The following PUS7 variants were observed in gnomAD, a reference collection of about 807,000 sequenced individuals.
PUS7 encodes the protein pseudouridine synthase 7, also known as pseudouridylate synthase 7 homolog.
A neutral mutation model predicts 79.8 loss-of-function variants in PUS7; 48 were observed. That is an observed-to-expected ratio of 0.60 (90% CI 0.48 to 0.76). The LOEUF (loss-of-function observed/expected upper bound fraction) is 0.76. PUS7 is among the 30% of genes least tolerant of loss of function. The probability of loss-of-function intolerance (pLI) is 0.00; values close to 1 mark genes in which losing one functional copy is unlikely to be tolerated. For synonymous variants in PUS7, 286 were observed against 272.2 expected (o/e 1.05, Z -0.50); for missense variants, 729 against 797.6 (o/e 0.91, Z 1.04).
At chr7:105,511,559 C>T (rs1271008968) in intron 1 of PUS7, among the ~76,000 whole-genome samples, 4 of 150,464 alleles carry the variant, frequency 2.7e-5, no homozygotes, top group South Asian at 2.1e-4. Context: ...GTCAGAAGTT[C>T]GAGACCAGCC....
chr7:105,481,187 C>T lies in PUS7; in HGVS notation c.1050-10G>A, dbSNP rs768244276. The T allele has an allele frequency of 2.2e-5, 35 of 1,602,394 alleles. No homozygotes were observed. The highest frequency in any genetic ancestry group is 2.9e-5 in the Non-Finnish European group (34 of 1,175,588). Reference sequence around the variant, plus strand: ...AGTTCCTGTTATATTTCTACAGGGACACAAATTATCCAGAGGAAAAAAAGT... The same window carrying T: ...AGTTCCTGTTATATTTCTACAGGGATACAAATTATCCAGAGGAAAAAAAGT... On this transcript the variant is annotated splice_polypyrimidine_tract_variant and intron_variant, in intron 8 of 15. Transcript: ENST00000469408.
At position 105,465,978 on chromosome 7, in the gene PUS7, C is replaced by T. The variant is rs818456; in HGVS notation, c.1526-564G>A. Among the ~76,000 whole-genome samples, 94 of 151,962 alleles carry T rather than the reference C, an allele frequency of 6.2e-4. 2 individuals carry two copies. The East Asian group carries it at 0.017, about 27-fold the overall frequency. On this transcript the variant is annotated intron_variant, in intron 12 of 15. Coordinates refer to ENST00000469408, the MANE Select transcript of PUS7 (RefSeq NM_019042.5). ...TTCCAGAGCAGCCTAGACAACATGG[C>T]GAAACCCCATCTCTACAAAAAATAT...
chr7:105,470,718 T>C lies in PUS7; in HGVS notation c.1368A>G (p.Gly456=). The C allele has an allele frequency of 6.2e-7, 1 of 1,608,840 alleles. No individual in the cohort carries two copies. The highest frequency in any genetic ancestry group is 8.5e-7 in the Non-Finnish European group (1 of 1,176,126). Residue 456 remains glycine (G), a synonymous_variant, in exon 11 of 16, where the codon GGA becomes GGG. Coordinates refer to ENST00000469408, the MANE Select transcript of PUS7 (RefSeq NM_019042.5). The part of the protein sequence containing the change: ...GQLLRGLSKY[G]MKNIVSAFGI... ...CAAATGCAGAGACTATATTCTTCAT[T>C]CCATATTTTGAAAGTCCTCGAAGCA...
At chr7:105,486,056 T>A (rs572811804) in intron 7 of PUS7, among the ~76,000 whole-genome samples, 1 of 151,424 alleles carries the variant, frequency 6.6e-6, no homozygotes, top group South Asian at 2.1e-4. Context: ...TTTGTTTTGT[T>A]TTGTTTTTGA....
At chr7:105,489,235 C>T in intron 7 of PUS7, among the ~76,000 whole-genome samples, 1 of 145,324 alleles carries the variant, frequency 6.9e-6, no homozygotes. Flanking sequence ...ACAAAATTCA[C>T]AGAGCCAGCT....
chr7:105,520,789 G>A (rs569484910), intron 1 of PUS7, among the ~76,000 whole-genome samples: 1 of 152,142 alleles, frequency 6.6e-6, no homozygotes, highest in East Asian at 1.9e-4. Flanking sequence ...TGTAATTCCA[G>A]CACTTTGGGA....
chr7:105,457,877 A>G lies in PUS7; in HGVS notation c.1899T>C (p.Thr633=). The G allele has an allele frequency of 6.2e-7, 1 of 1,614,118 alleles. No homozygotes were observed. The highest frequency in any genetic ancestry group is 8.5e-7 in the Non-Finnish European group (1 of 1,179,966). Residue 633 remains threonine (T), a synonymous_variant, in exon 16 of 16, where the codon ACT becomes ACC. Transcript: ENST00000469408. ...CTTCTCGAATGGCCATGGTGGCGTAAGTAGAAGGGGGTAGAGAAAAATCCA... is the reference window on the plus strand; with the variant it reads ...CTTCTCGAATGGCCATGGTGGCGTAGGTAGAAGGGGGTAGAGAAAAATCCA... ...LKMDFSLPPS[T]YATMAIREVL...
chr7:105,506,159 A>ATTTTAAAAAATCTTC, intron 3 of PUS7, 30 bp downstream of exon 3: 1 of 1,583,482 alleles, frequency 6.3e-7, no homozygotes, highest in Non-Finnish European at 8.6e-7. Flanking sequence ...TTTATACAGA[A>ATTTTAAAAAATCTTC]GGTGACATTT....
intron 2 of PUS7, 59 bp downstream of exon 2, chr7:105,508,056 T>C: frequency 4.0e-6 from 6 of 1,503,286 alleles, no homozygotes; most frequent in Non-Finnish European, 5.3e-6. Flanking sequence ...AAAGCTAATT[T>C]CTTTCTAAAG....
chr7:105,493,529 C>T (rs1824882475), intron 6 of PUS7, among the ~76,000 whole-genome samples: 1 of 152,190 alleles, frequency 6.6e-6, no homozygotes, highest in Non-Finnish European at 1.5e-5. Context: ...ATGGGCTGAA[C>T]TGTGTCTCCC....
At chr7:105,467,579 C>T (rs1012180926) in intron 12 of PUS7, among the ~76,000 whole-genome samples, 1 of 151,670 alleles carries the variant, frequency 6.6e-6, no homozygotes, top group Non-Finnish European at 1.5e-5. Flanking sequence ...TGAGCCACTG[C>T]GCCCAGTGAC....
chr7:105,465,038 C>T lies in PUS7; in HGVS notation c.1627+275G>A, dbSNP rs148234856. On this transcript the variant is annotated intron_variant, in intron 13 of 15. Transcript: ENST00000469408. ...TTTGCCAGGTTGCCCAGGCTGGTCT[C>T]GAATTCCAGAGCTCAAGCGATCCAC... is the stretch of plus-strand genomic sequence containing the variant. Among the ~76,000 whole-genome samples the T allele has an allele frequency of 3.3e-3, 507 of 152,120 alleles. 4 individuals are homozygous for T. The highest frequency in any genetic ancestry group is 0.01 in the African/African-American group (435 of 41,488).
intron 7 of PUS7, among the ~76,000 whole-genome samples, chr7:105,485,663 T>A (rs1002312564): frequency 6.6e-6 from 1 of 152,258 alleles, no homozygotes; most frequent in Non-Finnish European, 1.5e-5. Context: ...CAACCATTAT[T>A]TTTTGAATCA....
At chr7:105,482,277 C>A (rs757412484) in intron 8 of PUS7, 35 bp downstream of exon 8, 3 of 1,604,662 alleles carry the variant, frequency 1.9e-6, no homozygotes, top group Admixed American at 3.4e-5. Context: ...CCTGGCCAGA[C>A]CCTCTGGTCT....
At chr7:105,512,282 AG>A (rs1393728102) in intron 1 of PUS7, among the ~76,000 whole-genome samples, 1 of 152,162 alleles carries the variant, frequency 6.6e-6, no homozygotes, top group African/African-American at 2.4e-5. Context: ...CAAAGAAAAA[AG>A]CATTTACTCT....
At chr7:105,501,764 G>T (rs1379258306) in intron 5 of PUS7, among the ~76,000 whole-genome samples, 1 of 151,858 alleles carries the variant, frequency 6.6e-6, no homozygotes, top group East Asian at 1.9e-4. Context: ...GACCATCCTG[G>T]CTAACAAGGT....
intron 5 of PUS7, among the ~76,000 whole-genome samples, chr7:105,495,819 C>T (rs971217466): frequency 6.6e-4 from 101 of 152,156 alleles, no homozygotes; most frequent in African/African-American, 2.4e-3. Context: ...TAAATGTTAA[C>T]TTCTGAGCAG....
At chr7:105,461,824 TGTACTGA>T (rs1251045072) in intron 14 of PUS7, among the ~76,000 whole-genome samples, 2 of 152,234 alleles carry the variant, frequency 1.3e-5, no homozygotes, top group African/African-American at 4.8e-5. Context: ...AGCATGTTAC[TGTACTGA>T]ATACTGGAGG....
intron 7 of PUS7, among the ~76,000 whole-genome samples, chr7:105,487,261 T>G (rs1824588025): frequency 6.6e-6 from 1 of 152,162 alleles, no homozygotes; most frequent in Non-Finnish European, 1.5e-5. Context: ...TTCCTCTCCC[T>G]GCAGACCTCG....
Sources: gnomAD v4.1 joint callset for allele counts (sites outside exome capture counted in the v4.1 genomes callset) on GRCh38, gnomAD v4.1.1 for gene constraint, MANE v1.5 for transcripts, NCBI Gene and HGNC (gene_info 2026-07-23, HGNC 2026-07-21) for gene names.